Variants in PPM1H observed in about 807,000 individuals in gnomAD.
PPM1H encodes protein phosphatase, Mg2+/Mn2+ dependent 1H.
PPM1H carries 27 observed loss-of-function variants against 54.9 expected under a neutral mutation model. The observed-to-expected ratio is 0.49, with a 90% confidence interval of 0.36 to 0.68. The LOEUF (loss-of-function observed/expected upper bound fraction) is 0.68, where lower values mean the gene tolerates loss of function less well. PPM1H is among the 30% of genes least tolerant of loss of function. PPM1H has a pLI of 0.00. For synonymous variants in PPM1H, 305 were observed against 270.8 expected (o/e 1.13, Z -1.24); for missense variants, 596 against 667.8 (o/e 0.89, Z 1.19).
At chr12:62,913,803 C>T (rs1409410893) in intron 1 of PPM1H, among the ~76,000 whole-genome samples, 1 of 152,092 alleles carries the variant, frequency 6.6e-6, no homozygotes, top group Non-Finnish European at 1.5e-5. Flanking sequence ...CGGGTTCAAG[C>T]GATTCTCCTG....
At chr12:62,822,836 A>G (rs1243095181) in intron 2 of PPM1H, among the ~76,000 whole-genome samples, 2 of 152,208 alleles carry the variant, frequency 1.3e-5, no homozygotes, top group Admixed American at 6.5e-5. Flanking sequence ...TAAAAGAACT[A>G]GAGAAGCAAG....
At chr12:62,721,693 C>T (rs1283108008) in intron 5 of PPM1H, among the ~76,000 whole-genome samples, 1 of 152,096 alleles carries the variant, frequency 6.6e-6, no homozygotes, top group Non-Finnish European at 1.5e-5. Flanking sequence ...GGTGTGAATC[C>T]AAGCTCTGCT....
chr12:62,775,668 C>T (rs544317025), intron 4 of PPM1H, among the ~76,000 whole-genome samples: 1 of 152,188 alleles, frequency 6.6e-6, no homozygotes. Context: ...AAGAGTCAAG[C>T]AAGAGAGGAG....
intron 2 of PPM1H, among the ~76,000 whole-genome samples, chr12:62,808,369 C>T (rs562048298): frequency 5.1e-4 from 76 of 149,712 alleles, no homozygotes; most frequent in African/African-American, 1.8e-3. Context: ...CTAAGGTGAC[C>T]ACCCCTACCC....
At chr12:62,873,802 G>A (rs1870070473) in intron 1 of PPM1H, among the ~76,000 whole-genome samples, 2 of 152,146 alleles carry the variant, frequency 1.3e-5, no homozygotes, top group African/African-American at 2.4e-5. Flanking sequence ...TGAGGACAAA[G>A]TTTAAGGAGA....
intron 4 of PPM1H, among the ~76,000 whole-genome samples, chr12:62,751,616 A>G (rs1043068035): frequency 6.6e-6 from 1 of 152,214 alleles, no homozygotes; most frequent in Admixed American, 6.5e-5. Context: ...AATTCTTTAA[A>G]AAGATGTAAA....
chr12:62,683,039 A>T (rs765763308), intron 8 of PPM1H, among the ~76,000 whole-genome samples: 1,021 of 30,484 alleles, frequency 0.033, 7 homozygotes, highest in Middle Eastern at 0.053. Context: ...ATTATTTATT[A>T]TTATTATTAT....
intron 1 of PPM1H, among the ~76,000 whole-genome samples, chr12:62,914,170 T>C (rs945223090): frequency 6.6e-6 from 1 of 152,144 alleles, no homozygotes; most frequent in Non-Finnish European, 1.5e-5. Flanking sequence ...TTCATGGCAA[T>C]GAGTGAGTTC....
At chr12:62,773,826 C>T (rs163684) in intron 4 of PPM1H, among the ~76,000 whole-genome samples, 22,651 of 152,054 alleles carry the variant, frequency 0.15, 1,948 homozygotes, top group African/African-American at 0.23. Context: ...GCTTAGATTT[C>T]GGGAAACTGC....
At chr12:62,693,637 G>A (rs1416798756) in intron 7 of PPM1H, among the ~76,000 whole-genome samples, 1 of 152,214 alleles carries the variant, frequency 6.6e-6, no homozygotes, top group Non-Finnish European at 1.5e-5. Context: ...GATGATGTGT[G>A]TGAAAGTGGT....
At chr12:62,841,529 T>C (rs1868748916) in intron 1 of PPM1H, among the ~76,000 whole-genome samples, 1 of 152,214 alleles carries the variant, frequency 6.6e-6, no homozygotes, top group South Asian at 2.1e-4. Context: ...ACTTACTATT[T>C]GGGTCTTTAC....
At chr12:62,667,372 A>C in intron 8 of PPM1H, 43 bp from the exon 9 acceptor site, 2 of 1,461,810 alleles carry the variant, frequency 1.4e-6, no homozygotes, top group Non-Finnish European at 1.8e-6. Flanking sequence ...AATTGGAAGC[A>C]TATTATTCTC....
At chr12:62,730,139 C>T (rs1031787265) in intron 5 of PPM1H, among the ~76,000 whole-genome samples, 2 of 152,124 alleles carry the variant, frequency 1.3e-5, no homozygotes, top group African/African-American at 4.8e-5. Flanking sequence ...AACGGCCCCA[C>T]CCCTATCTCC....
At chr12:62,802,193 CG>C (rs2120748821) in intron 2 of PPM1H, 33 bp from the exon 3 acceptor site, 1 of 1,496,012 alleles carries the variant, frequency 6.7e-7, no homozygotes, top group East Asian at 2.3e-5. Flanking sequence ...GGAGTGAGAA[CG>C]GCTGTGGACT....
At position 62,645,636 on chromosome 12, in the gene PPM1H, C is replaced by CAGAT. The variant is rs2075780504; in HGVS notation, c.*2849_*2852dup. 6.6e-6 allele frequency: 1 copy of CAGAT among 152,118 alleles called. No homozygotes were observed. Among genetic ancestry groups the CAGAT allele is most frequent in the African/African-American group, 2.4e-5 (1 of 41,414 alleles). The allele number at this position is 152,118 out of a possible 1,614,324, so 9.4% of individuals were successfully genotyped here. Reference sequence around the variant, plus strand: ...TTTGTTCTAAGGAAAGGAGTTTCACCAGATAGTCTGAAGAGGCCCAGCCCA... The same window carrying CAGAT: ...TTTGTTCTAAGGAAAGGAGTTTCACCAGATAGATAGTCTGAAGAGGCCCAGCCCA... On this transcript the variant is annotated 3_prime_UTR_variant, in exon 10 of 10. Coordinates refer to ENST00000228705, the MANE Select transcript of PPM1H (RefSeq NM_020700.2).
chr12:62,687,151 G>A (rs2076058019), intron 8 of PPM1H, among the ~76,000 whole-genome samples: 1 of 152,250 alleles, frequency 6.6e-6, no homozygotes, highest in Non-Finnish European at 1.5e-5. Context: ...TGTGAGGGCT[G>A]AGAGCTTTCC....
At chr12:62,746,945 T>C (rs1279926487) in intron 4 of PPM1H, among the ~76,000 whole-genome samples, 3 of 151,982 alleles carry the variant, frequency 2.0e-5, no homozygotes, top group Non-Finnish European at 4.4e-5. Context: ...AGTAACAAAT[T>C]CTTTCTTTCC....
intron 1 of PPM1H, among the ~76,000 whole-genome samples, chr12:62,838,867 GCCGAGA>G (rs1258020777): frequency 2.2e-5 from 2 of 89,300 alleles, no homozygotes; most frequent in Non-Finnish European, 4.2e-5. Context: ...CTTGCAGTGA[GCCGAGA>G]TCGCGCCACT....
rs1311460345 is a variant in PPM1H, at chr12:62,932,408, G to A, written c.245+2084C>T. On this transcript the variant is annotated intron_variant, in intron 1 of 9. Coordinates refer to ENST00000228705, the MANE Select transcript of PPM1H (RefSeq NM_020700.2). ...GGCTTTCCTTTTACTGTGTCCAAAC[G>A]GCTTCCACCTTCAGTGTTTCAGTAT... Among the ~76,000 whole-genome samples, 2 of 151,962 alleles carry A rather than the reference G, an allele frequency of 1.3e-5. 1 individual carries two copies. Among genetic ancestry groups the A allele is most frequent in the Admixed American group, 1.3e-4 (2 of 15,248 alleles).
Sources: allele counts gnomAD v4.1 joint callset (sites outside exome capture counted in the v4.1 genomes callset), GRCh38; gene constraint gnomAD v4.1.1; transcripts MANE v1.5; gene names NCBI Gene and HGNC (gene_info 2026-07-23, HGNC 2026-07-21).